TAFA2: variants seen among roughly 807,000 people sequenced by gnomAD.
TAFA2 encodes TAFA chemokine like family member 2.
TAFA2 carries 7 observed loss-of-function variants against 18.8 expected under a neutral mutation model. The observed-to-expected ratio is 0.37, with a 90% CI of 0.21 to 0.70. The LOEUF (loss-of-function observed/expected upper bound fraction) is 0.70. Among genes scored for constraint, TAFA2 ranks in the 30% least tolerant of loss-of-function variants. TAFA2 has a pLI of 0.53. For synonymous variants in TAFA2, 60 were observed against 54.2 expected, an observed-to-expected ratio of 1.11 and a Z score of -0.47; for missense variants, 122 against 158.1, an observed-to-expected ratio of 0.77 and a Z score of 1.23.
At chr12:61,985,770 T>A (rs1592530962) in intron 1 of TAFA2, among the ~76,000 whole-genome samples, 1 of 152,330 alleles carries the variant, frequency 6.6e-6, no homozygotes, top group East Asian at 1.9e-4. Context: ...GAATTATGAT[T>A]TTCAGCACAA....
chr12:62,239,767 A>G lies in TAFA2; in HGVS notation c.-130+18996T>C, dbSNP rs139246981. On this transcript the variant is annotated intron_variant, in intron 1 of 5. Transcript: ENST00000551619. Reference sequence around the variant, plus strand: ...AGATATGTGACCGAGTGAGTCTTCAAATGATTCCAATCTCCCACCATTGAG... The same window carrying G: ...AGATATGTGACCGAGTGAGTCTTCAGATGATTCCAATCTCCCACCATTGAG... Among the ~76,000 whole-genome samples the G allele has an allele frequency of 2.5e-3, 379 of 152,330 alleles. 2 individuals carry two copies. Among genetic ancestry groups the G allele is most frequent in the African/African-American group, 8.5e-3 (354 of 41,578 alleles).
At chr12:62,138,920 G>T (rs1237021520) in intron 1 of TAFA2, among the ~76,000 whole-genome samples, 5 of 152,108 alleles carry the variant, frequency 3.3e-5, no homozygotes, top group African/African-American at 1.2e-4. Context: ...TAAATAATAA[G>T]TGCCACAAGA....
intron 1 of TAFA2, among the ~76,000 whole-genome samples, chr12:62,199,124 G>A (rs558257998): frequency 1.4e-4 from 21 of 152,272 alleles, no homozygotes; most frequent in South Asian, 2.1e-4. Flanking sequence ...CATTGCCTCC[G>A]TCATTATCTG....
At chr12:61,716,342 A>G (rs1869658104) in intron 4 of TAFA2, among the ~76,000 whole-genome samples, 1 of 152,172 alleles carries the variant, frequency 6.6e-6, no homozygotes, top group Admixed American at 6.5e-5. Context: ...GGAAGTTGGC[A>G]CTTCAGTTTA....
chr12:61,949,322 C>G (rs1446448224), intron 1 of TAFA2, among the ~76,000 whole-genome samples: 2 of 152,060 alleles, frequency 1.3e-5, no homozygotes, highest in Admixed American at 6.6e-5. Context: ...TGCTGGCTTT[C>G]AGAATGGAAC....
At chr12:62,114,876 G>T (rs958066640) in intron 1 of TAFA2, among the ~76,000 whole-genome samples, 10 of 151,894 alleles carry the variant, frequency 6.6e-5, no homozygotes, top group African/African-American at 2.4e-4. Context: ...TAGCACCAAG[G>T]GTCCCCAAAG....
chr12:62,080,508 G>T (rs907983984), intron 1 of TAFA2, among the ~76,000 whole-genome samples: 3 of 146,564 alleles, frequency 2.0e-5, no homozygotes, highest in African/African-American at 7.4e-5. Context: ...TATCCCCTGG[G>T]TAGAAAGAAA....
At position 61,734,288 on chromosome 12, in the gene TAFA2, C is replaced by G. The variant is rs1344752564; in HGVS notation, c.384+19334G>C. Among the ~76,000 whole-genome samples the G allele has an allele frequency of 4.7e-5, 7 of 147,958 alleles. No individual in the cohort carries two copies. The Admixed American group carries it at 4.9e-4, about 10-fold the overall frequency. ...GACAAAAAACCAAATACCGCATGTT[C>G]TCACTCATAGGTGGGAATTGAACAT... On this transcript the variant is annotated intron_variant, in intron 4 of 4. Transcript: ENST00000416284.
intron 1 of TAFA2, among the ~76,000 whole-genome samples, chr12:62,144,113 TC>T: frequency 6.6e-6 from 1 of 151,368 alleles, no homozygotes; most frequent in East Asian, 1.9e-4. Context: ...TTGATAGTTT[TC>T]CTTCTCTGCA....
At chr12:62,038,061 A>C (rs1345266651) in intron 1 of TAFA2, among the ~76,000 whole-genome samples, 1 of 152,180 alleles carries the variant, frequency 6.6e-6, no homozygotes, top group Non-Finnish European at 1.5e-5. Flanking sequence ...AATCAAATAC[A>C]CAGAGAGAAA....
At chr12:62,160,605 T>G (rs1464228244) in intron 1 of TAFA2, among the ~76,000 whole-genome samples, 1 of 152,204 alleles carries the variant, frequency 6.6e-6, no homozygotes, top group Non-Finnish European at 1.5e-5. Flanking sequence ...CCCCAAGTCA[T>G]GCAAAGTCAT....
chr12:62,133,800 C>T (rs1233446356), intron 1 of TAFA2, among the ~76,000 whole-genome samples: 1 of 152,104 alleles, frequency 6.6e-6, no homozygotes, highest in East Asian at 1.9e-4. Flanking sequence ...AATGAACAAA[C>T]AAACATAGGC....
intron 4 of TAFA2, among the ~76,000 whole-genome samples, chr12:61,733,593 C>T (rs1222276171): frequency 3.4e-5 from 5 of 147,378 alleles, no homozygotes; most frequent in South Asian, 2.2e-4. Context: ...AGATATGCGG[C>T]GTTATTTCTG....
intron 1 of TAFA2, chr12:62,258,398 T>C (rs2062951356): frequency 6.6e-6 from 1 of 152,428 alleles, no homozygotes; most frequent in Admixed American, 6.5e-5. Context: ...GTTGTAGCTG[T>C]CAACACTTCA....
chr12:62,068,605 G>A (rs1052508096), intron 1 of TAFA2, among the ~76,000 whole-genome samples: 1 of 151,964 alleles, frequency 6.6e-6, no homozygotes, highest in African/African-American at 2.4e-5. Flanking sequence ...AATCATCAGA[G>A]GGGCTCACAT....
At chr12:62,092,091 T>C (rs886905436) in intron 1 of TAFA2, among the ~76,000 whole-genome samples, 2 of 151,952 alleles carry the variant, frequency 1.3e-5, no homozygotes, top group African/African-American at 4.8e-5. Context: ...CTTGATAATA[T>C]AGATAACCAG....
chr12:62,006,022 A>G (rs1480182351), intron 1 of TAFA2, among the ~76,000 whole-genome samples: 3 of 152,196 alleles, frequency 2.0e-5, no homozygotes, highest in Non-Finnish European at 4.4e-5. Context: ...TTTTTATAAT[A>G]CTATGAAGAC....
At chr12:62,050,721 A>G (rs1882030413) in intron 1 of TAFA2, among the ~76,000 whole-genome samples, 1 of 152,196 alleles carries the variant, frequency 6.6e-6, no homozygotes, top group Non-Finnish European at 1.5e-5. Context: ...CAAAAACTGA[A>G]GTGATTTTCA....
intron 1 of TAFA2, among the ~76,000 whole-genome samples, chr12:62,155,330 T>C (rs950953300): frequency 1.3e-5 from 2 of 152,082 alleles, no homozygotes; most frequent in African/African-American, 4.8e-5. Flanking sequence ...CATCCCATGC[T>C]CATGGATGGG....
Sources: gnomAD v4.1 joint callset for allele counts (sites outside exome capture counted in the v4.1 genomes callset) on GRCh38, gnomAD v4.1.1 for gene constraint, MANE v1.5 for transcripts, NCBI Gene and HGNC (gene_info 2026-07-23, HGNC 2026-07-21) for gene names.